The following RNGTT variants were observed in gnomAD, a reference collection of about 807,000 sequenced individuals.
RNGTT encodes RNA guanylyltransferase and 5'-phosphatase, also known as mRNA-capping enzyme.
A neutral mutation model predicts 79.3 loss-of-function variants in RNGTT; 33 were observed. That is an observed-to-expected ratio of 0.42 (90% CI 0.32 to 0.56). The LOEUF is 0.56. Ranked by LOEUF, RNGTT falls within the 20% of genes least tolerant of loss-of-function variation. The pLI is 0.17. For missense variants in RNGTT, 497 were observed against 739.1 expected (o/e 0.67, Z 3.80); for synonymous variants, 222 against 235.9 (o/e 0.94, Z 0.54).
In RNGTT at chr6:88,837,722, T is replaced by A. The variant is rs576490185; in HGVS notation, c.1269+6635A>T. On this transcript the variant is annotated intron_variant, in intron 11 of 15. Transcript: ENST00000369485. ...GATCTAAACAGAAAAAAAAATAGTATTCGATCTATAGTAGATGAAAAGCCA... is the reference window on the plus strand; with the variant it reads ...GATCTAAACAGAAAAAAAAATAGTAATCGATCTATAGTAGATGAAAAGCCA... 9.5e-4 allele frequency among the ~76,000 whole-genome samples: 144 copies of A among 152,152 alleles called. 1 individual carries two copies. Among genetic ancestry groups the A allele is most frequent in the Non-Finnish European group, 1.5e-3 (103 of 67,980 alleles).
chr6:88,714,854 A>T (rs547953072), intron 13 of RNGTT, among the ~76,000 whole-genome samples: 72 of 152,326 alleles, frequency 4.7e-4, no homozygotes, highest in African/African-American at 1.3e-3. Flanking sequence ...CCCACAGCCA[A>T]TATCATACTG....
chr6:88,928,684 T>C (rs897706455), intron 4 of RNGTT, among the ~76,000 whole-genome samples: 4 of 152,156 alleles, frequency 2.6e-5, no homozygotes, highest in African/African-American at 7.2e-5. Flanking sequence ...CAGAATAATA[T>C]AGTATAAAAT....
At chr6:88,790,634 AG>A (rs1229135181) in intron 12 of RNGTT, among the ~76,000 whole-genome samples, 1 of 116,238 alleles carries the variant, frequency 8.6e-6, no homozygotes, top group Non-Finnish European at 2.0e-5. Context: ...TAAAAATAAA[AG>A]AAAAATTTAT....
At chr6:88,924,520 C>G (rs763326758) in intron 4 of RNGTT, among the ~76,000 whole-genome samples, 6 of 152,060 alleles carry the variant, frequency 3.9e-5, no homozygotes, top group Non-Finnish European at 8.8e-5. Flanking sequence ...AGACAGAATT[C>G]TTGCTATGTT....
At chr6:88,818,345 G>C (rs1281843832) in intron 11 of RNGTT, among the ~76,000 whole-genome samples, 2 of 152,070 alleles carry the variant, frequency 1.3e-5, no homozygotes, top group African/African-American at 4.8e-5. Flanking sequence ...CACTTTGGGA[G>C]GCTGAAGCGG....
Position 88,656,143 on chromosome 6 carries a change from C to G in RNGTT, c.1506+22210G>C, listed in dbSNP as rs142253268. On this transcript the variant is annotated intron_variant, in intron 14 of 15. Coordinates refer to ENST00000369485, the MANE Select transcript of RNGTT (RefSeq NM_003800.5). ...CCTCACATAAAGGACTTCTGAAAAA[C>G]TTCCCTTTTTAATTTCAAAGACTGC... Among the ~76,000 whole-genome samples, 312 of 152,162 alleles carry G rather than the reference C, an allele frequency of 2.1e-3. 2 individuals carry two copies. Among genetic ancestry groups the G allele is most frequent in the African/African-American group, 7.3e-3 (305 of 41,508 alleles).
intron 14 of RNGTT, 77 bp downstream of exon 14, chr6:88,678,275 AT>A: frequency 6.5e-7 from 1 of 1,547,190 alleles, no homozygotes; most frequent in South Asian, 1.2e-5. Flanking sequence ...TTATATGTTG[AT>A]TATTATTAGC....
At chr6:88,686,613 C>G (rs1363351811) in intron 13 of RNGTT, among the ~76,000 whole-genome samples, 1 of 152,018 alleles carries the variant, frequency 6.6e-6, no homozygotes, top group Non-Finnish European at 1.5e-5. Flanking sequence ...AACCTAGAAA[C>G]AGACCTACGC....
intron 12 of RNGTT, among the ~76,000 whole-genome samples, chr6:88,799,316 C>T (rs1022170722): frequency 6.6e-6 from 1 of 152,120 alleles, no homozygotes; most frequent in African/African-American, 2.4e-5. Context: ...TCACGTTAAA[C>T]CAATTGTCAA....
At chr6:88,917,447 G>A (rs545191467) in intron 4 of RNGTT, among the ~76,000 whole-genome samples, 1 of 152,144 alleles carries the variant, frequency 6.6e-6, no homozygotes, top group African/African-American at 2.4e-5. Flanking sequence ...TATGAGCTGT[G>A]GTAAGAAATG....
At chr6:88,880,342 T>C (rs1782658194) in intron 8 of RNGTT, among the ~76,000 whole-genome samples, 1 of 152,194 alleles carries the variant, frequency 6.6e-6, no homozygotes, top group African/African-American at 2.4e-5. Context: ...AACAGATGTG[T>C]TATAAAAAGC....
intron 11 of RNGTT, among the ~76,000 whole-genome samples, chr6:88,843,982 G>T (rs941827439): frequency 6.7e-6 from 1 of 149,818 alleles, no homozygotes; most frequent in African/African-American, 2.4e-5. Context: ...ATATATAAAT[G>T]TATCTTTTTA....
intron 13 of RNGTT, among the ~76,000 whole-genome samples, chr6:88,730,128 G>C (rs1463114044): frequency 6.6e-6 from 1 of 152,186 alleles, no homozygotes; most frequent in African/African-American, 2.4e-5. Context: ...AAATGCAAGA[G>C]GAGGGGTTGT....
At chr6:88,833,478 G>A (rs949093442) in intron 11 of RNGTT, among the ~76,000 whole-genome samples, 26 of 152,234 alleles carry the variant, frequency 1.7e-4, no homozygotes, top group Admixed American at 8.5e-4. Flanking sequence ...TGTAGATGAC[G>A]GGTTGATGGG....
chr6:88,785,400 TATTTTAAAA>T (rs1779196268), intron 12 of RNGTT, among the ~76,000 whole-genome samples: 1 of 152,156 alleles, frequency 6.6e-6, no homozygotes, highest in Non-Finnish European at 1.5e-5. Flanking sequence ...AGTAAATATT[TATTTTAAAA>T]ACTTGAAAAT....
At chr6:88,807,189 A>C (rs1779986966) in intron 11 of RNGTT, among the ~76,000 whole-genome samples, 1 of 152,208 alleles carries the variant, frequency 6.6e-6, no homozygotes, top group Non-Finnish European at 1.5e-5. Context: ...CCACCATAGC[A>C]TGTGTTTACT....
At chr6:88,670,030 A>G (rs1043279855) in intron 14 of RNGTT, among the ~76,000 whole-genome samples, 25 of 152,184 alleles carry the variant, frequency 1.6e-4, no homozygotes, top group African/African-American at 5.8e-4. Flanking sequence ...CCGGCAAGAA[A>G]CCCAGATAAG....
chr6:88,617,279 G>C (rs1361069212), intron 14 of RNGTT, among the ~76,000 whole-genome samples: 1 of 152,112 alleles, frequency 6.6e-6, no homozygotes, highest in Non-Finnish European at 1.5e-5. Flanking sequence ...CCAAAAAAAA[G>C]ATTTCTCCTA....
At chr6:88,892,960 T>C (rs1047521374) in intron 6 of RNGTT, among the ~76,000 whole-genome samples, 2 of 152,106 alleles carry the variant, frequency 1.3e-5, no homozygotes, top group East Asian at 1.9e-4. Context: ...TTTGTACTTA[T>C]CTGTCTTCTA....
Sources: allele counts gnomAD v4.1 joint callset (sites outside exome capture counted in the v4.1 genomes callset), GRCh38; gene constraint gnomAD v4.1.1; transcripts MANE v1.5; gene names NCBI Gene and HGNC (gene_info 2026-07-23, HGNC 2026-07-21).